DIAPH3: variants seen among roughly 807,000 people sequenced by gnomAD.
DIAPH3 encodes diaphanous related formin 3.
A neutral mutation model predicts 144.3 loss-of-function variants in DIAPH3; 117 were observed. The observed-to-expected ratio is 0.81, with a 90% CI of 0.70 to 0.95. The LOEUF is 0.95. DIAPH3 is among the 40% of genes least tolerant of loss of function. The probability of loss-of-function intolerance (pLI) is 0.00; values close to 1 mark genes in which losing one functional copy is unlikely to be tolerated. For synonymous variants in DIAPH3, 519 were observed against 488.9 expected (o/e 1.06, Z -0.81); for missense variants, 1,421 against 1,412.7 (o/e 1.01, Z -0.09).
At chr13:60,129,251 C>T (rs892098043) in intron 2 of DIAPH3, among the ~76,000 whole-genome samples, 8 of 152,094 alleles carry the variant, frequency 5.3e-5, no homozygotes, top group African/African-American at 1.7e-4. Flanking sequence ...ACCTTTTTGC[C>T]TCTATGAGGA....
At chr13:59,727,565 G>A (rs376106692) in intron 27 of DIAPH3, among the ~76,000 whole-genome samples, 50 of 152,266 alleles carry the variant, frequency 3.3e-4, no homozygotes, top group African/African-American at 1.1e-3. Flanking sequence ...TATGTGTGCG[G>A]TATGTGTATA....
chr13:60,096,380 GC>G (rs1323803205), intron 3 of DIAPH3, among the ~76,000 whole-genome samples: 1 of 152,106 alleles, frequency 6.6e-6, no homozygotes, highest in African/African-American at 2.4e-5. Context: ...TTTTAAAAAG[GC>G]CTCTGCTTTC....
At chr13:60,050,544 G>A (rs190660356) in intron 4 of DIAPH3, among the ~76,000 whole-genome samples, 8 of 152,250 alleles carry the variant, frequency 5.3e-5, no homozygotes, top group Admixed American at 2.0e-4. Flanking sequence ...GAATGAAGAG[G>A]AGGAGGAGGA....
At chr13:59,723,959 T>TA (rs144643410) in intron 27 of DIAPH3, among the ~76,000 whole-genome samples, 2,457 of 133,720 alleles carry the variant, frequency 0.018, 68 homozygotes, top group East Asian at 0.12. Flanking sequence ...TGTTAAAAGT[T>TA]AAAAAAAAAA....
chr13:59,883,917 C>G (rs757393827), intron 20 of DIAPH3, among the ~76,000 whole-genome samples: 12 of 152,180 alleles, frequency 7.9e-5, no homozygotes, highest in Non-Finnish European at 1.0e-4. Flanking sequence ...ACCCAACTAC[C>G]TCCTATTGTG....
intron 4 of DIAPH3, among the ~76,000 whole-genome samples, chr13:60,050,862 G>T (rs971333045): frequency 6.6e-6 from 1 of 152,110 alleles, no homozygotes; most frequent in African/African-American, 2.4e-5. Flanking sequence ...GCATTGTCTG[G>T]TCAAGAGTTG....
At chr13:59,915,306 T>C (rs1041317512) in intron 19 of DIAPH3, among the ~76,000 whole-genome samples, 3 of 152,096 alleles carry the variant, frequency 2.0e-5, no homozygotes, top group Admixed American at 1.3e-4. Context: ...TGAAATTATA[T>C]GACCACTACA....
At chr13:59,675,717 G>C (rs926230552) in intron 27 of DIAPH3, among the ~76,000 whole-genome samples, 2 of 152,186 alleles carry the variant, frequency 1.3e-5, no homozygotes, top group African/African-American at 4.8e-5. Context: ...TTGAGGTTTA[G>C]AGAAGTCCAT....
At chr13:59,750,532 G>T (rs1338578332) in intron 27 of DIAPH3, among the ~76,000 whole-genome samples, 2 of 152,242 alleles carry the variant, frequency 1.3e-5, no homozygotes, top group Middle Eastern at 3.4e-3. Flanking sequence ...TTTCAAAAGG[G>T]TCTGCTCTCG....
chr13:59,965,390 G>A (rs1026832289), intron 17 of DIAPH3, among the ~76,000 whole-genome samples: 6 of 151,984 alleles, frequency 3.9e-5, no homozygotes, highest in Admixed American at 3.3e-4. Context: ...CTTTCAGAAA[G>A]CCCTTTAATC....
rs1281812971 is a variant in DIAPH3, at chr13:60,091,613, TA to T, written c.495+2014del. On this transcript the variant is annotated intron_variant, in intron 4 of 27. Transcript: ENST00000400324. ...TTATAGACACTTAAAAAACAACAAC[TA>T]AAAAAAAGCCTTAGAAATGTGAACT... Among the ~76,000 whole-genome samples, 11 of 151,536 alleles carry T rather than the reference TA, an allele frequency of 7.3e-5. No individual in the cohort carries two copies. The East Asian group carries it at 1.7e-3, about 24-fold the overall frequency.
intron 25 of DIAPH3, among the ~76,000 whole-genome samples, chr13:59,801,358 A>G (rs1384692983): frequency 3.9e-5 from 6 of 152,188 alleles, no homozygotes; most frequent in Non-Finnish European, 5.9e-5. Context: ...ATGACTTTGG[A>G]GGGAATCTAT....
At chr13:59,852,123 T>G (rs762338424) in intron 22 of DIAPH3, among the ~76,000 whole-genome samples, 31 of 152,112 alleles carry the variant, frequency 2.0e-4, no homozygotes, top group Non-Finnish European at 3.8e-4. Context: ...AAATATGGTT[T>G]GAAAGATAGC....
At chr13:59,769,617 C>T (rs1265642116) in intron 27 of DIAPH3, among the ~76,000 whole-genome samples, 2 of 151,876 alleles carry the variant, frequency 1.3e-5, no homozygotes, top group African/African-American at 2.4e-5. Context: ...TTCATACTGG[C>T]ATATAGGTTG....
chr13:60,155,755 C>A (rs1952001240), intron 1 of DIAPH3, among the ~76,000 whole-genome samples: 1 of 152,118 alleles, frequency 6.6e-6, no homozygotes, highest in Admixed American at 6.5e-5. Flanking sequence ...TCAAAAAGAG[C>A]ATTTAGATAT....
intron 4 of DIAPH3, among the ~76,000 whole-genome samples, chr13:60,048,373 T>G (rs889926372): frequency 6.6e-6 from 1 of 152,164 alleles, no homozygotes; most frequent in African/African-American, 2.4e-5. Flanking sequence ...TCAATAGTAA[T>G]AAGACAAATT....
At chr13:59,923,755 A>G (rs2047627074) in intron 18 of DIAPH3, among the ~76,000 whole-genome samples, 1 of 152,174 alleles carries the variant, frequency 6.6e-6, no homozygotes, top group African/African-American at 2.4e-5. Flanking sequence ...AATACTAGAC[A>G]ATACACCAAT....
At chr13:59,955,229 C>A (rs919228039) in intron 17 of DIAPH3, among the ~76,000 whole-genome samples, 1 of 151,974 alleles carries the variant, frequency 6.6e-6, no homozygotes, top group African/African-American at 2.4e-5. Flanking sequence ...AAAATCTCAT[C>A]TTGAATTCTA....
At chr13:59,757,392 CTTTTTTT>C (rs558678599) in intron 27 of DIAPH3, among the ~76,000 whole-genome samples, 3 of 93,044 alleles carry the variant, frequency 3.2e-5, no homozygotes, top group Non-Finnish European at 6.0e-5. Flanking sequence ...ATGGGTCATC[CTTTTTTT>C]TTTTTTTTTT....
Sources: allele counts gnomAD v4.1 joint callset (sites outside exome capture counted in the v4.1 genomes callset), GRCh38; gene constraint gnomAD v4.1.1; transcripts MANE v1.5; gene names NCBI Gene and HGNC (gene_info 2026-07-23, HGNC 2026-07-21).